Variants in SNTA1 observed in about 807,000 individuals in gnomAD.
SNTA1 encodes the protein syntrophin alpha 1, also known as alpha-1-syntrophin.
A neutral mutation model predicts 47.1 loss-of-function variants in SNTA1; 31 were observed. The ratio of observed to expected loss-of-function variants is 0.66; its 90% CI spans 0.49 to 0.89. The LOEUF (loss-of-function observed/expected upper bound fraction) is 0.89, where lower values mean the gene tolerates loss of function less well. SNTA1 is among the 40% of genes least tolerant of loss of function. The pLI is 0.00. For missense variants in SNTA1, 575 were observed against 693.0 expected (o/e 0.83, Z 1.91); for synonymous variants, 300 against 313.6 (o/e 0.96, Z 0.46).
chr20:33,412,294 A>C lies in SNTA1; in HGVS notation c.1040+2T>G. ...AGACATACTGCCCCTGCCTGTGGGT[A>C]CCTGGTGGCGATGAGTGGGGCAGTA... On this transcript the variant is annotated splice_donor_variant, in intron 5 of 7. Transcript: ENST00000217381. LOFTEE classifies it high-confidence loss of function. 1.2e-6 allele frequency: 2 copies of C among 1,610,564 alleles called. No individual in the cohort carries two copies. Among genetic ancestry groups the C allele is most frequent in the Non-Finnish European group, 1.7e-6 (2 of 1,179,272 alleles).
In SNTA1 at chr20:33,412,603, AT is replaced by A; in HGVS notation, c.880del (p.Ile294SerfsTer7). On this transcript the variant is annotated frameshift_variant, in exon 4 of 8. Coordinates refer to ENST00000217381, the MANE Select transcript of SNTA1 (RefSeq NM_003098.3). LOFTEE classifies it high-confidence loss of function. Reference sequence around the variant, plus strand: ...CTCAGTTAGCCAGCCAATCTGCTTGATGTCCTGGCTCCCAGCTGTGCTGGTG... The same window carrying A: ...CTCAGTTAGCCAGCCAATCTGCTTGAGTCCTGGCTCCCAGCTGTGCTGGTG... ...AATSTAGSQDIKQIGWLTEQL... is the reference protein window; with the variant it reads ...AATSTAGSQDXKQIGWLTEQL... The A allele has an allele frequency of 6.2e-7, 1 of 1,613,660 alleles. No homozygotes were observed. Among genetic ancestry groups the A allele is most frequent in the East Asian group, 2.2e-5 (1 of 44,884 alleles).
In SNTA1 at chr20:33,408,811, C is replaced by T. The variant is rs367662513; in HGVS notation, c.1315G>A (p.Gly439Ser). The T allele has an allele frequency of 1.2e-6, 2 of 1,614,100 alleles. No homozygotes were observed. The highest frequency in any genetic ancestry group is 1.7e-6 in the Non-Finnish European group (2 of 1,180,036). ...KGFTLWAAEP[G>S]AARAVLLRQP... ...CGCAGGAGCACAGCTCGGGCTGCACCTGGCTCAGCCGCCCACAGTGTGAAG... is the reference window on the plus strand; with the variant it reads ...CGCAGGAGCACAGCTCGGGCTGCACTTGGCTCAGCCGCCCACAGTGTGAAG... Residue 439 changes from glycine to serine, a missense_variant, in exon 7 of 8, where the codon GGT becomes AGT. Coordinates refer to ENST00000217381, the MANE Select transcript of SNTA1 (RefSeq NM_003098.3).
At chr20:33,443,200 AC>A in intron 1 of SNTA1, 110 bp downstream of exon 1, 1 of 767,406 alleles carries the variant, frequency 1.3e-6, no homozygotes, top group Non-Finnish European at 1.9e-6. Context: ...GACCCCCCTT[AC>A]CCCCAGACAG....
intron 2 of SNTA1, among the ~76,000 whole-genome samples, chr20:33,422,973 G>A (rs1374568126): frequency 1.3e-5 from 2 of 152,080 alleles, no homozygotes; most frequent in Non-Finnish European, 2.9e-5. Flanking sequence ...ACTCCCCTGT[G>A]ATTGTCTGTG....
At position 33,408,522 on chromosome 20, in the gene SNTA1, G is replaced by A. The variant is rs774033910; in HGVS notation, c.1503C>T (p.Leu501=). 8.7e-6 allele frequency: 14 copies of A among 1,613,662 alleles called. No homozygotes were observed. The highest frequency in any genetic ancestry group is 1.3e-5 in the African/African-American group (1 of 74,918). Residue 501 remains leucine (L), a synonymous_variant, in exon 8 of 8, where the codon CTC becomes CTT. Transcript: ENST00000217381. ...HSFLSAKVTR[L]GLLA ...CCGGCGACTTCTAGGCCAACAGCCC[G>A]AGGCGGGTGACTTTGGCCGACAGGA...
intron 2 of SNTA1, among the ~76,000 whole-genome samples, chr20:33,429,849 A>G (rs1259786900): frequency 6.6e-6 from 1 of 152,060 alleles, no homozygotes; most frequent in East Asian, 1.9e-4. Context: ...TCCATCCTCC[A>G]CATCCCAGGC....
At chr20:33,414,826 A>C (rs990764596) in intron 3 of SNTA1, among the ~76,000 whole-genome samples, 2 of 152,220 alleles carry the variant, frequency 1.3e-5, no homozygotes, top group African/African-American at 2.4e-5. Context: ...TAGTTCCTTG[A>C]TGGCATCCTT....
chr20:33,438,771 C>G, intron 2 of SNTA1, 70 bp downstream of exon 2: 1 of 1,333,586 alleles, frequency 7.5e-7, no homozygotes, highest in Non-Finnish European at 1.1e-6. Context: ...CTTCTGAGGC[C>G]TGGGGGAGGT....
At chr20:33,430,690 G>A (rs1032600457) in intron 2 of SNTA1, among the ~76,000 whole-genome samples, 1 of 151,916 alleles carries the variant, frequency 6.6e-6, no homozygotes, top group Non-Finnish European at 1.5e-5. Context: ...GCTCACACCT[G>A]TAAATCCCAG....
chr20:33,425,426 G>A lies in SNTA1; in HGVS notation c.497-7503C>T, dbSNP rs558297493. Among the ~76,000 whole-genome samples, 5 of 152,270 alleles carry A rather than the reference G, an allele frequency of 3.3e-5. No homozygotes were observed. In the South Asian group the frequency reaches 8.3e-4, roughly 25 times the overall value. The stretch of plus-strand genomic sequence containing the variant: ...TATAATTCCAGCACTGTGGGAGGCC[G>A]AGGCAGGGGGAATCTTTTGAGCCCA... On this transcript the variant is annotated intron_variant, in intron 2 of 7. Coordinates refer to ENST00000217381, the MANE Select transcript of SNTA1 (RefSeq NM_003098.3).
intron 3 of SNTA1, 88 bp downstream of exon 3, chr20:33,417,631 C>T (rs778125848): frequency 4.8e-5 from 45 of 939,748 alleles, no homozygotes; most frequent in South Asian, 1.6e-4. Flanking sequence ...GCTGGTCATT[C>T]GTACAACACA....
At chr20:33,412,237 C>T in intron 5 of SNTA1, 59 bp downstream of exon 5, 2 of 1,570,238 alleles carry the variant, frequency 1.3e-6, no homozygotes, top group Non-Finnish European at 1.7e-6. Flanking sequence ...TTCTGGGGCC[C>T]TGCTGGAGCA....
chr20:33,434,704 T>TC (rs1262217685), intron 2 of SNTA1, among the ~76,000 whole-genome samples: 1 of 151,576 alleles, frequency 6.6e-6, no homozygotes, highest in Non-Finnish European at 1.5e-5. Context: ...TTACACTCTT[T>TC]TTTTTTTTTT....
At chr20:33,418,640 A>G (rs2146774394) in intron 2 of SNTA1, among the ~76,000 whole-genome samples, 1 of 151,838 alleles carries the variant, frequency 6.6e-6, no homozygotes, top group South Asian at 2.1e-4. Context: ...TGAAAATACA[A>G]AAGCTAGCCG....
chr20:33,428,752 A>T (rs1047772414), intron 2 of SNTA1, among the ~76,000 whole-genome samples: 3 of 152,042 alleles, frequency 2.0e-5, no homozygotes, highest in Non-Finnish European at 4.4e-5. Context: ...TTTTTAAAAA[A>T]TTTTTTGGCC....
intron 2 of SNTA1, among the ~76,000 whole-genome samples, chr20:33,430,290 T>TC (rs1254399297): frequency 7.0e-6 from 1 of 143,450 alleles, no homozygotes; most frequent in East Asian, 2.0e-4. Flanking sequence ...CTTTTTTCTT[T>TC]TTTTTTTTTT....
chr20:33,415,204 CAT>C (rs1201345245), intron 3 of SNTA1, among the ~76,000 whole-genome samples: 2 of 152,234 alleles, frequency 1.3e-5, no homozygotes, highest in Admixed American at 6.5e-5. Context: ...CAAATGCTCT[CAT>C]ATATACATAC....
intron 2 of SNTA1, among the ~76,000 whole-genome samples, chr20:33,424,340 A>G (rs564829762): frequency 2.0e-5 from 3 of 151,636 alleles, no homozygotes; most frequent in Non-Finnish European, 4.4e-5. Flanking sequence ...AAGAAAGAAA[A>G]AAAAAGAAAA....
chr20:33,441,492 C>G (rs995757112), intron 1 of SNTA1, among the ~76,000 whole-genome samples: 3 of 152,110 alleles, frequency 2.0e-5, no homozygotes, highest in African/African-American at 7.2e-5. Context: ...CAGGCCCGAC[C>G]GTTTGCTTAT....
Sources: gnomAD v4.1 joint callset for allele counts (sites outside exome capture counted in the v4.1 genomes callset) on GRCh38, gnomAD v4.1.1 for gene constraint, MANE v1.5 for transcripts, NCBI Gene and HGNC (gene_info 2026-07-23, HGNC 2026-07-21) for gene names.